Variants in NTPCR observed in about 807,000 individuals in gnomAD.
NTPCR encodes the protein cancer-related nucleoside-triphosphatase.
Under a neutral mutation model 19.5 loss-of-function variants are expected in NTPCR, and 15 were observed. The ratio of observed to expected loss-of-function variants is 0.77; its 90% CI spans 0.51 to 1.18. The LOEUF (loss-of-function observed/expected upper bound fraction) is 1.18. Among genes scored for constraint, NTPCR ranks in the 50% most tolerant of loss-of-function variants. NTPCR has a pLI of 0.00. For missense variants in NTPCR, 206 were observed against 240.4 expected (o/e 0.86, Z 0.95); for synonymous variants, 90 against 95.8 (o/e 0.94, Z 0.36).
chr1:232,965,597 G>C (rs1668790481), intron 3 of NTPCR: 1 of 152,448 alleles, frequency 6.6e-6, no homozygotes, highest in Non-Finnish European at 1.5e-5. Flanking sequence ...TCACAATTTG[G>C]TTTGTGTTTG....
At chr1:232,956,859 T>C (rs1216257292) in intron 3 of NTPCR, among the ~76,000 whole-genome samples, 2 of 152,108 alleles carry the variant, frequency 1.3e-5, no homozygotes, top group Non-Finnish European at 2.9e-5. Context: ...TATTATTATA[T>C]TACCTTTTTT....
chr1:232,963,163 AT>A (rs1668714073), intron 3 of NTPCR: 1 of 152,224 alleles, frequency 6.6e-6, no homozygotes, highest in Non-Finnish European at 1.5e-5. Flanking sequence ...ATTAAAAGCT[AT>A]CTGGCGCAAA....
In NTPCR at chr1:232,980,127, G is replaced by A. The variant is rs1175026538; in HGVS notation, c.*1896G>A. Reference sequence around the variant, plus strand: ...TAAATGAGAAAGAAAGCTGGTGAAGGTTATTTCAAAGTTAAATAGCTAGTC... The same window carrying A: ...TAAATGAGAAAGAAAGCTGGTGAAGATTATTTCAAAGTTAAATAGCTAGTC... On this transcript the variant is annotated 3_prime_UTR_variant, in exon 5 of 5. Transcript: ENST00000366628. 6.6e-6 allele frequency: 1 copy of A among 152,256 alleles called. No homozygotes were observed. Among genetic ancestry groups the A allele is most frequent in the Admixed American group, 6.5e-5 (1 of 15,290 alleles). The allele number at this position is 152,256 out of a possible 1,614,324, so 9.4% of individuals were successfully genotyped here. A position where few individuals can be genotyped will look rare whatever the true frequency, so the allele number is the denominator to read the frequency against.
intron 4 of NTPCR, among the ~76,000 whole-genome samples, chr1:232,976,023 C>A (rs560445414): frequency 6.6e-6 from 1 of 152,156 alleles, no homozygotes; most frequent in Non-Finnish European, 1.5e-5. Context: ...GTGAATACTG[C>A]AGAGAGTTGC....
chr1:232,961,047 T>C (rs1303926176), intron 3 of NTPCR, among the ~76,000 whole-genome samples: 1 of 152,226 alleles, frequency 6.6e-6, no homozygotes, highest in Non-Finnish European at 1.5e-5. Context: ...GCTTGGTGTG[T>C]TTCCCTTAAT....
chr1:232,952,399 G>C (rs1362183079), intron 1 of NTPCR, among the ~76,000 whole-genome samples: 1 of 149,602 alleles, frequency 6.7e-6, no homozygotes, highest in Non-Finnish European at 1.5e-5. Flanking sequence ...GTAGAGACCT[G>C]TCTCTTGTTA....
chr1:232,983,588 T>C lies in NTPCR; in HGVS notation c.*5357T>C, dbSNP rs1669341148. ...GCCTGGACTACAGTGAGGAGCATTG[T>C]GTGACTCCGCGGTGGATTTCCATGC... is the stretch of plus-strand genomic sequence containing the variant. On this transcript the variant is annotated 3_prime_UTR_variant, in exon 5 of 5. Coordinates refer to ENST00000366628, the MANE Select transcript of NTPCR (RefSeq NM_032324.3). 1.3e-5 allele frequency: 2 copies of C among 152,230 alleles called. No homozygotes were observed. The highest frequency in any genetic ancestry group is 6.5e-5 in the Admixed American group (1 of 15,278). 9.4% of individuals were successfully genotyped at this position (152,230 alleles called of 1,614,324 possible).
chr1:232,967,499 T>C (rs1049031597), intron 3 of NTPCR: 23 of 152,228 alleles, frequency 1.5e-4, no homozygotes, highest in African/African-American at 3.9e-4. Context: ...AATGTATACA[T>C]GTGTGTCCAA....
chr1:232,970,186 A>G (rs1668937781), intron 4 of NTPCR, 68 bp downstream of exon 4: 1 of 1,267,876 alleles, frequency 7.9e-7, no homozygotes, highest in African/African-American at 1.5e-5. Context: ...AGATGGCTCT[A>G]AAATATCTCT....
chr1:232,957,763 A>T (rs938685681), intron 3 of NTPCR, among the ~76,000 whole-genome samples: 2 of 152,266 alleles, frequency 1.3e-5, no homozygotes, highest in Non-Finnish European at 2.9e-5. Context: ...GTAGACACTA[A>T]GTAAATTTAT....
chr1:232,952,676 A>ATT lies in NTPCR; in HGVS notation c.34+1943_34+1944dup, dbSNP rs200922293. On this transcript the variant is annotated intron_variant, in intron 1 of 4. Transcript: ENST00000366628. ...CAGGCATGCACCACCATGCCCTCTA[A>ATT]TTTTTTTTTTTTCCTTTTACACATA... 3.0e-3 allele frequency among the ~76,000 whole-genome samples: 445 copies of ATT among 146,462 alleles called. 4 individuals are homozygous for ATT. Among genetic ancestry groups the ATT allele is most frequent in the African/African-American group, 0.01 (401 of 39,888 alleles).
chr1:232,950,738 C>G lies in NTPCR; in HGVS notation c.28C>G (p.Pro10Ala), dbSNP rs759544845. The G allele has an allele frequency of 6.3e-7, 1 of 1,599,120 alleles. No individual in the cohort carries two copies. The highest frequency in any genetic ancestry group is 8.5e-7 in the Non-Finnish European group (1 of 1,171,684). MARHVFLTGPPGVGKTTLIH... is the reference protein window; with the variant it reads MARHVFLTGAPGVGKTTLIH... ...GGCCCGGCACGTGTTCCTAACGGGG[C>G]CCCCAGGTAACCCTGAGGGGATCCC... The change falls in exon 1 of 5, where the codon CCC (proline) becomes GCC (alanine). Residue 10 changes from proline (P) to alanine (A), a missense_variant. Pro to Ala is a conservative substitution (Grantham distance 27). Coordinates refer to ENST00000366628, the MANE Select transcript of NTPCR (RefSeq NM_032324.3).
At chr1:232,962,701 G>C (rs990452849) in intron 3 of NTPCR, 2 of 152,216 alleles carry the variant, frequency 1.3e-5, no homozygotes, top group Non-Finnish European at 2.9e-5. Context: ...GTGAAAGGAA[G>C]AGTAAGCTAA....
At chr1:232,971,993 TGTTAGACTCCAGGGATTG>T (rs533280318) in intron 4 of NTPCR, among the ~76,000 whole-genome samples, 135 of 152,354 alleles carry the variant, frequency 8.9e-4, no homozygotes, top group South Asian at 5.6e-3. Context: ...AAATTGCTAG[TGTTAGACTCCAGGGATTG>T]GCTAGTTCCA....
At chr1:232,970,230 C>A in intron 4 of NTPCR, 112 bp downstream of exon 4, 2 of 846,126 alleles carry the variant, frequency 2.4e-6, no homozygotes, top group South Asian at 1.6e-5. Context: ...CCCTTCCATG[C>A]TGAAATGTAG....
In NTPCR at chr1:232,975,362, C is replaced by T. The variant is rs747091334; in HGVS notation, c.505-2801C>T. On this transcript the variant is annotated intron_variant, in intron 4 of 4. Transcript: ENST00000366628. ...TCTTCTCATCTGGTTGGCCTAGGTA[C>T]GGCGAGAGACAGTACTTGACTCATC... Among the ~76,000 whole-genome samples, 7 of 152,206 alleles carry T rather than the reference C, an allele frequency of 4.6e-5. No individual in the cohort carries two copies. In the South Asian group the frequency reaches 1.2e-3, roughly 27 times the overall value.
At chr1:232,971,050 C>T (rs967616162) in intron 4 of NTPCR, among the ~76,000 whole-genome samples, 3 of 152,242 alleles carry the variant, frequency 2.0e-5, no homozygotes, top group Non-Finnish European at 4.4e-5. Flanking sequence ...TGACCAGTGG[C>T]AGCGTCTGAG....
intron 4 of NTPCR, among the ~76,000 whole-genome samples, chr1:232,975,695 A>G (rs200817375): frequency 6.6e-6 from 1 of 152,284 alleles, no homozygotes; most frequent in Middle Eastern, 3.4e-3. Flanking sequence ...GGGCCCCCCT[A>G]CAGCCACTGG....
intron 3 of NTPCR, chr1:232,964,079 A>G (rs1668745149): frequency 6.6e-6 from 1 of 152,174 alleles, no homozygotes; most frequent in African/African-American, 2.4e-5. Flanking sequence ...TCATCAGTTG[A>G]CAATATTCTT....
Sources: gnomAD v4.1 joint callset for allele counts (sites outside exome capture counted in the v4.1 genomes callset) on GRCh38, gnomAD v4.1.1 for gene constraint, MANE v1.5 for transcripts, NCBI Gene and HGNC (gene_info 2026-07-23, HGNC 2026-07-21) for gene names.